Variants in ITGA4 observed in about 807,000 individuals in gnomAD.
ITGA4 encodes integrin subunit alpha 4.
A neutral mutation model predicts 133.6 loss-of-function variants in ITGA4; 63 were observed. The observed-to-expected ratio is 0.47, with a 90% CI of 0.38 to 0.58. The LOEUF (loss-of-function observed/expected upper bound fraction) is 0.58, where lower values mean the gene tolerates loss of function less well. ITGA4 is among the 20% of genes least tolerant of loss of function. ITGA4 has a pLI of 0.00. For missense variants in ITGA4, 1,076 were observed against 1,252.7 expected, an observed-to-expected ratio of 0.86 and a Z score of 2.13; for synonymous variants, 483 against 438.0, an observed-to-expected ratio of 1.10 and a Z score of -1.28.
intron 3 of ITGA4, 45 bp from the exon 4 acceptor site, chr2:181,475,114 T>C: frequency 6.2e-7 from 1 of 1,613,376 alleles, no homozygotes; most frequent in Non-Finnish European, 8.5e-7. Context: ...TCAGCTATCC[T>C]GGGTGCAGCT....
At chr2:181,479,587 G>A (rs1282521303) in intron 5 of ITGA4, 1 of 151,956 alleles carries the variant, frequency 6.6e-6, no homozygotes, top group Non-Finnish European at 1.5e-5. Flanking sequence ...TACCAGGCAA[G>A]GGCATGCTCA....
rs1197694882 is a variant in ITGA4, at chr2:181,475,003, G to A, written c.363G>A (p.Glu121=). The A allele has an allele frequency of 1.9e-6, 3 of 1,614,100 alleles. No homozygotes were observed. ...CTTGTGGAAAGACTTGTTTGGAAGA[G>A]AGAGACAATCAGTGGTTGGGGGTCA... ...GEPCGKTCLE[E]RDNQWLGVTL... is the part of the protein sequence containing the mutation. Residue 121 remains glutamate (E), a synonymous_variant, in exon 3 of 28, where the codon GAG becomes GAA. Coordinates refer to ENST00000397033, the MANE Select transcript of ITGA4 (RefSeq NM_000885.6).
chr2:181,524,267 AT>A lies in ITGA4; in HGVS notation c.2249+18del. 3 of 1,438,112 alleles carry A rather than the reference AT, an allele frequency of 2.1e-6. No individual in the cohort carries two copies. Among genetic ancestry groups the A allele is most frequent in the Non-Finnish European group, 2.9e-6 (3 of 1,046,896 alleles). The allele number at this position is 1,438,112 out of a possible 1,614,324, so 89.1% of individuals were successfully genotyped here. A position where few individuals can be genotyped will look rare whatever the true frequency, so the allele number is the denominator to read the frequency against. ...TGCTACCTGGTATAATTTATTGTTA[AT>A]AAAATGAACTAGAAATATACCCCCA... On this transcript the variant is annotated intron_variant, in intron 20 of 27. Coordinates refer to ENST00000397033, the MANE Select transcript of ITGA4 (RefSeq NM_000885.6).
At chr2:181,511,396 C>T (rs886309286) in intron 16 of ITGA4, among the ~76,000 whole-genome samples, 4 of 152,050 alleles carry the variant, frequency 2.6e-5, no homozygotes, top group South Asian at 2.1e-4. Context: ...AACATCTTGG[C>T]AGCTAATAAA....
At chr2:181,525,066 T>C in intron 20 of ITGA4, 136 bp from the exon 21 acceptor site, 2 of 437,766 alleles carry the variant, frequency 4.6e-6, no homozygotes, top group Non-Finnish European at 8.1e-6. Context: ...TACTACCATA[T>C]CTACTTTTAT....
At chr2:181,502,398 T>C (rs530313954) in intron 15 of ITGA4, among the ~76,000 whole-genome samples, 1 of 152,248 alleles carries the variant, frequency 6.6e-6, no homozygotes, top group African/African-American at 2.4e-5. Flanking sequence ...AGCATGTTTT[T>C]ATGCTGATAG....
Position 181,495,427 on chromosome 2 carries a change from TA to T in ITGA4, c.1385+12del. 2 of 1,590,458 alleles carry T rather than the reference TA, an allele frequency of 1.3e-6. No homozygotes were observed. Among genetic ancestry groups the T allele is most frequent in the Non-Finnish European group, 1.7e-6 (2 of 1,158,764 alleles). The stretch of plus-strand genomic sequence containing the variant: ...TGCTGTCTTGCTAAGGTAAGACTGA[TA>T]TATTTCACTGCTTAATTGCAATTTG... On this transcript the variant is annotated intron_variant, in intron 13 of 27. Transcript: ENST00000397033. This position sits in a 1 kb window ranked among gnomAD's most constrained non-coding sequence, Gnocchi z 4.3.
At position 181,530,311 on chromosome 2, in the gene ITGA4, C is replaced by G. The variant is rs537438679; in HGVS notation, c.2539-213C>G. Among the ~76,000 whole-genome samples, 174 of 152,312 alleles carry G rather than the reference C, an allele frequency of 1.1e-3. 1 individual carries two copies. Among genetic ancestry groups the G allele is most frequent in the East Asian group, 1.2e-3 (6 of 5,192 alleles). On this transcript the variant is annotated intron_variant, in intron 23 of 27. Transcript: ENST00000397033. Reference sequence around the variant, plus strand: ...TAAGGCCATTTTATCAGCTTAGAACCTATATCCAACCTGCTGTAATTTGGC... The same window carrying G: ...TAAGGCCATTTTATCAGCTTAGAACGTATATCCAACCTGCTGTAATTTGGC...
intron 15 of ITGA4, among the ~76,000 whole-genome samples, chr2:181,509,272 G>T (rs1256172396): frequency 6.6e-6 from 1 of 150,990 alleles, no homozygotes; most frequent in Non-Finnish European, 1.5e-5. Context: ...AAATGTATAG[G>T]GTAAAGTTAA....
rs1484310827 is a variant in ITGA4, at chr2:181,536,189, A to G, written c.*662A>G. On this transcript the variant is annotated 3_prime_UTR_variant, in exon 28 of 28. Transcript: ENST00000397033. Reference sequence around the variant, plus strand: ...GAGCTTAGTGAAATTACTTCTGGATAATTATTTTTTTATAATTATGGATTT... The same window carrying G: ...GAGCTTAGTGAAATTACTTCTGGATGATTATTTTTTTATAATTATGGATTT... 6.6e-6 allele frequency: 1 copy of G among 151,920 alleles called. No individual in the cohort carries two copies. Among genetic ancestry groups the G allele is most frequent in the South Asian group, 2.1e-4 (1 of 4,742 alleles). 9.4% of individuals were successfully genotyped at this position (151,920 alleles called of 1,614,324 possible).
chr2:181,536,751 A>AG lies in ITGA4; in HGVS notation c.*1224_*1225insG, dbSNP rs1369110567. On this transcript the variant is annotated 3_prime_UTR_variant, in exon 28 of 28. Coordinates refer to ENST00000397033, the MANE Select transcript of ITGA4 (RefSeq NM_000885.6). ...TTTTAAATGACTTTCTGGATTTTAAAAAATTTCTTTAAATACAATCATTTT... is the reference window on the plus strand; with the variant it reads ...TTTTAAATGACTTTCTGGATTTTAAAGAAATTTCTTTAAATACAATCATTTT... 1 of 247,466 alleles carries AG rather than the reference A, an allele frequency of 4.0e-6. No individual in the cohort carries two copies. Among genetic ancestry groups the AG allele is most frequent in the African/African-American group, 2.3e-5 (1 of 43,546 alleles). 15.3% of individuals were successfully genotyped at this position (247,466 alleles called of 1,614,324 possible).
intron 9 of ITGA4, among the ~76,000 whole-genome samples, chr2:181,484,156 T>C (rs1685863870): frequency 6.6e-6 from 1 of 152,222 alleles, no homozygotes; most frequent in African/African-American, 2.4e-5. Context: ...TCTACTGTAG[T>C]ATAGATGCCT....
At position 181,485,925 on chromosome 2, in the gene ITGA4, C is replaced by T. The variant is rs1425782428; in HGVS notation, c.1086C>T (p.Asp362=). 1 of 1,605,254 alleles carries T rather than the reference C, an allele frequency of 6.2e-7. No individual in the cohort carries two copies. The highest frequency in any genetic ancestry group is 8.5e-7 in the Non-Finnish European group (1 of 1,177,990). Residue 362 remains aspartate, a synonymous_variant, in exon 10 of 28, where the codon GAC becomes GAT. Transcript: ENST00000397033. The part of the protein sequence containing the change: ...NAMETNLVGS[D]KYAARFGESI... ...TGGAAACAAACCTCGTTGGAAGTGA[C>T]AAATATGCTGCAAGATTTGGGGAAT...
intron 14 of ITGA4, 119 bp from the exon 15 acceptor site, chr2:181,498,504 A>G: frequency 1.9e-6 from 1 of 515,060 alleles, no homozygotes; most frequent in Non-Finnish European, 3.3e-6. Flanking sequence ...GCTGTTTAAT[A>G]AAGAGAATTC....
chr2:181,460,766 C>T (rs1839268), intron 2 of ITGA4, among the ~76,000 whole-genome samples: 14,829 of 151,964 alleles, frequency 0.098, 868 homozygotes, highest in East Asian at 0.22. Context: ...CTGTAACAAG[C>T]AGGCTGAGGT....
At position 181,536,554 on chromosome 2, in the gene ITGA4, T is replaced by TAA. The variant is rs1021747655; in HGVS notation, c.*1028_*1029dup. ...AATTCTTTGTTACCCTTTACAAGTA[T>TAA]AAGTGTTACCTTACATGGAAACGAA... On this transcript the variant is annotated 3_prime_UTR_variant, in exon 28 of 28. Coordinates refer to ENST00000397033, the MANE Select transcript of ITGA4 (RefSeq NM_000885.6). 4 of 168,436 alleles carry TAA rather than the reference T, an allele frequency of 2.4e-5. No individual in the cohort carries two copies. Among genetic ancestry groups the TAA allele is most frequent in the Admixed American group, 6.0e-5 (1 of 16,786 alleles). The allele number at this position is 168,436 out of a possible 1,614,324, so 10.4% of individuals were successfully genotyped here. A position where few individuals can be genotyped will look rare whatever the true frequency, so the allele number is the denominator to read the frequency against.
At position 181,495,873 on chromosome 2, in the gene ITGA4, T is replaced by G. The variant is rs776421707; in HGVS notation, c.1476T>G (p.Pro492=). 1.4e-5 allele frequency: 22 copies of G among 1,613,970 alleles called. No homozygotes were observed. Among genetic ancestry groups the G allele is most frequent in the East Asian group, 2.2e-5 (1 of 44,884 alleles). The change falls in exon 14 of 28, where the codon CCT becomes CCG. Residue 492 remains proline, a synonymous_variant. Transcript: ENST00000397033. The surrounding 1 kb of genome is among the most constrained non-coding windows in gnomAD (Gnocchi z 4.3). ...TKFDCVENGW[P]SVCIDLTLCF... ...TTGACTGTGTTGAAAATGGATGGCC[T>G]TCTGTGTGCATAGATCTAACACTTT...
intron 15 of ITGA4, among the ~76,000 whole-genome samples, chr2:181,500,586 T>G (rs953671849): frequency 5.3e-5 from 8 of 152,116 alleles, no homozygotes; most frequent in Admixed American, 2.0e-4. Context: ...GGAGTGGGAA[T>G]GTTAACATAT....
At chr2:181,468,138 C>A (rs1400301797) in intron 2 of ITGA4, among the ~76,000 whole-genome samples, 1 of 152,202 alleles carries the variant, frequency 6.6e-6, no homozygotes, top group African/African-American at 2.4e-5. Flanking sequence ...CTTGCAGAAA[C>A]CCTCGGAGAT....
Sources: gnomAD v4.1 joint callset for allele counts (sites outside exome capture counted in the v4.1 genomes callset) on GRCh38, gnomAD v4.1.1 for gene constraint, Gnocchi (gnomAD v3.1) non-coding constraint, MANE v1.5 for transcripts, NCBI Gene and HGNC (gene_info 2026-07-23, HGNC 2026-07-21) for gene names.